The following EPS8 variants were observed in gnomAD, a reference collection of about 807,000 sequenced individuals.
EPS8 encodes epidermal growth factor receptor kinase substrate 8.
A neutral mutation model predicts 103.8 loss-of-function variants in EPS8; 42 were observed. The ratio of observed to expected loss-of-function variants is 0.40; its 90% CI spans 0.32 to 0.52. The LOEUF (loss-of-function observed/expected upper bound fraction) is 0.52, where lower values mean the gene tolerates loss of function less well. Ranked by LOEUF, EPS8 falls within the 20% of genes least tolerant of loss-of-function variation. The pLI is 0.40. For synonymous variants in EPS8, 344 were observed against 344.6 expected (o/e 1.00, Z 0.02); for missense variants, 969 against 1,005.1 (o/e 0.96, Z 0.49).
At position 15,753,194 on chromosome 12, in the gene EPS8, G is replaced by A. The variant is rs1565530708; in HGVS notation, c.-22+35967C>T. On this transcript the variant is annotated intron_variant, in intron 1 of 20. Coordinates refer to ENST00000281172, the MANE Select transcript of EPS8 (RefSeq NM_004447.6). ...TGTTTAGAAACATTTATGTGTCTCC[G>A]AAACATTATCAAGAAAATTCCGAGA... Among the ~76,000 whole-genome samples, 3 of 152,020 alleles carry A rather than the reference G, an allele frequency of 2.0e-5. No homozygotes were observed. The South Asian group carries it at 6.2e-4, about 32-fold the overall frequency.
At chr12:15,719,908 AG>A (rs1946576180) in intron 1 of EPS8, among the ~76,000 whole-genome samples, 1 of 152,160 alleles carries the variant, frequency 6.6e-6, no homozygotes, top group African/African-American at 2.4e-5. Flanking sequence ...CTACGTCAAG[AG>A]GTGGTATGTT....
rs949373501 is a variant in EPS8, at chr12:15,731,946, C to T, written c.-21-48974G>A. ...ATCTGATTTCAGGATGGAATTTTTT[C>T]ATTTTATCCATAAAAAGGAAACAAA... On this transcript the variant is annotated intron_variant, in intron 1 of 20. Transcript: ENST00000281172. This position sits in a 1 kb window ranked among gnomAD's most constrained non-coding sequence, Gnocchi z 5.1. Among the ~76,000 whole-genome samples, 2 of 152,040 alleles carry T rather than the reference C, an allele frequency of 1.3e-5. No individual in the cohort carries two copies. Among genetic ancestry groups the T allele is most frequent in the Non-Finnish European group, 2.9e-5 (2 of 67,992 alleles).
chr12:15,727,694 C>T lies in EPS8; in HGVS notation c.-21-44722G>A, dbSNP rs1440226127. 6.6e-6 allele frequency among the ~76,000 whole-genome samples: 1 copy of T among 152,074 alleles called. No individual in the cohort carries two copies. Among genetic ancestry groups the T allele is most frequent in the African/African-American group, 2.4e-5 (1 of 41,418 alleles). ...CCAACACGGTGAAACCCCGTCTCTA[C>T]TAAAAATACAAAAATTAGCCGGGCG... On this transcript the variant is annotated intron_variant, in intron 1 of 20. Transcript: ENST00000281172. The surrounding 1 kb of genome is among the most constrained non-coding windows in gnomAD (Gnocchi z 4.3).
Position 15,732,680 on chromosome 12 carries a change from T to C in EPS8, c.-21-49708A>G, listed in dbSNP as rs1329305650. On this transcript the variant is annotated intron_variant, in intron 1 of 20. Coordinates refer to ENST00000281172, the MANE Select transcript of EPS8 (RefSeq NM_004447.6). ...GAAGTCAAATAAATGACCTACTGTT[T>C]ACTAAGAAACAACATTTCTTAAAGA... is the stretch of plus-strand genomic sequence containing the variant. 3.2e-5 allele frequency: 21 copies of C among 649,552 alleles called. No homozygotes were observed. In the Admixed American group the frequency reaches 1.3e-3, roughly 39 times the overall value. 40.2% of individuals were successfully genotyped at this position (649,552 alleles called of 1,614,324 possible). A position where few individuals can be genotyped will look rare whatever the true frequency, so the allele number is the denominator to read the frequency against.
At position 15,662,112 on chromosome 12, in the gene EPS8, C is replaced by T. The variant is rs1362285597; in HGVS notation, c.737-13G>A. 1.6e-5 allele frequency: 25 copies of T among 1,608,446 alleles called. No individual in the cohort carries two copies. The Admixed American group carries it at 2.3e-4, about 15-fold the overall frequency. ...CTTGGTTTCTCAACTATAGAAAGGA[C>T]AATCATAAGTCTTTCAATCTTTTAC... On this transcript the variant is annotated splice_polypyrimidine_tract_variant and intron_variant, in intron 8 of 20. Coordinates refer to ENST00000281172, the MANE Select transcript of EPS8 (RefSeq NM_004447.6).
intron 1 of EPS8, among the ~76,000 whole-genome samples, chr12:15,686,033 G>C (rs1946090442): frequency 6.6e-6 from 1 of 151,920 alleles, no homozygotes; most frequent in African/African-American, 2.4e-5. Flanking sequence ...ACCACCTACA[G>C]TTGGCTCCTG....
rs1445698006 is a variant in EPS8 at position 15,731,764 on chromosome 12, G to A, written c.-21-48792C>T. Among the ~76,000 whole-genome samples the A allele has an allele frequency of 2.0e-5, 3 of 152,048 alleles. No individual in the cohort carries two copies. Among genetic ancestry groups the A allele is most frequent in the Non-Finnish European group, 4.4e-5 (3 of 68,010 alleles). Reference sequence around the variant, plus strand: ...AATAATTTCAATCATCCCCCAAACTGGCAGCAAAAAGCTGTTCAGTGTGCT... The same window carrying A: ...AATAATTTCAATCATCCCCCAAACTAGCAGCAAAAAGCTGTTCAGTGTGCT... On this transcript the variant is annotated intron_variant, in intron 1 of 20. Transcript: ENST00000281172. This position sits in a 1 kb window ranked among gnomAD's most constrained non-coding sequence, Gnocchi z 5.1.
At chr12:15,630,034 A>C (rs2135726472) in intron 18 of EPS8, among the ~76,000 whole-genome samples, 1 of 152,294 alleles carries the variant, frequency 6.6e-6, no homozygotes, top group Middle Eastern at 3.4e-3. Context: ...CTAATTTGGG[A>C]ATCATTCTTT....
chr12:15,768,211 G>A lies in EPS8; in HGVS notation c.-22+20950C>T, dbSNP rs200215207. On this transcript the variant is annotated intron_variant, in intron 1 of 20. Transcript: ENST00000281172. Reference sequence around the variant, plus strand: ...TCCCAGCACTTTGGGAGGCCAAGGCGGGTGGATCACGAGGTCAGGAGTTCA... The same window carrying A: ...TCCCAGCACTTTGGGAGGCCAAGGCAGGTGGATCACGAGGTCAGGAGTTCA... 3.4e-4 allele frequency among the ~76,000 whole-genome samples: 52 copies of A among 152,038 alleles called. 1 individual carries two copies. The highest frequency in any genetic ancestry group is 5.6e-4 in the Non-Finnish European group (38 of 67,974).
rs1375521678 is a variant in EPS8 at position 15,706,264 on chromosome 12, G to A, written c.-21-23292C>T. Among the ~76,000 whole-genome samples the A allele has an allele frequency of 6.6e-6, 1 of 152,200 alleles. No individual in the cohort carries two copies. Among genetic ancestry groups the A allele is most frequent in the Non-Finnish European group, 1.5e-5 (1 of 68,030 alleles). On this transcript the variant is annotated intron_variant, in intron 1 of 20. Transcript: ENST00000281172. The surrounding 1 kb of genome is among the most constrained non-coding windows in gnomAD (Gnocchi z 5.2). ...GAGCAAGTTTGCACCTTTGCAGAGG[G>A]GAGGAGCCTGGCCTTGCCTTTTCCT...
chr12:15,660,596 T>C lies in EPS8; in HGVS notation c.937+18A>G. On this transcript the variant is annotated intron_variant, in intron 10 of 20. Transcript: ENST00000281172. ...GAGATCTAACCAGGCATTAGAAGAT[T>C]AAGAAAATCCAACTTACCTCCTGGT... 8.4e-7 allele frequency: 1 copy of C among 1,194,540 alleles called. No homozygotes were observed. 74.0% of individuals were successfully genotyped at this position (1,194,540 alleles called of 1,614,324 possible). A position where few individuals can be genotyped will look rare whatever the true frequency, so the allele number is the denominator to read the frequency against.
chr12:15,757,269 T>C lies in EPS8; in HGVS notation c.-22+31892A>G, dbSNP rs529404566. Among the ~76,000 whole-genome samples the C allele has an allele frequency of 9.9e-5, 15 of 152,284 alleles. No individual in the cohort carries two copies. Among genetic ancestry groups the C allele is most frequent in the African/African-American group, 3.6e-4 (15 of 41,558 alleles). On this transcript the variant is annotated intron_variant, in intron 1 of 20. Transcript: ENST00000281172. This position sits in a 1 kb window ranked among gnomAD's most constrained non-coding sequence, Gnocchi z 4.1. ...TGACAAGAAACTTGGTGGAAGCTGA[T>C]TCTATCCAAAATTAAACTTTCCTTC...
chr12:15,716,225 G>T lies in EPS8; in HGVS notation c.-21-33253C>A, dbSNP rs961300264. Among the ~76,000 whole-genome samples the T allele has an allele frequency of 5.3e-5, 8 of 152,000 alleles. No homozygotes were observed. The highest frequency in any genetic ancestry group is 1.0e-4 in the Non-Finnish European group (7 of 68,018). ...CTGCCAAATGCCAAAAAATGTTGCT[G>T]CTTGGAAACAGACAGTTTCCTAATA... On this transcript the variant is annotated intron_variant, in intron 1 of 20. Transcript: ENST00000281172. This position sits in a 1 kb window ranked among gnomAD's most constrained non-coding sequence, Gnocchi z 5.0.
intron 1 of EPS8, among the ~76,000 whole-genome samples, chr12:15,712,494 T>C (rs1335616558): frequency 2.6e-5 from 4 of 152,274 alleles, no homozygotes; most frequent in Non-Finnish European, 5.9e-5. Context: ...AAACATTTCG[T>C]ATATTATGCC....
At position 15,621,193 on chromosome 12, in the gene EPS8, G is replaced by GTTTTT; in HGVS notation, c.*119_*123dup. The GTTTTT allele has an allele frequency of 2.3e-6, 1 of 433,536 alleles. No individual in the cohort carries two copies. 26.9% of individuals were successfully genotyped at this position (433,536 alleles called of 1,614,324 possible). ...CCTGTGCTCACTCAGGTTTGCATGG[G>GTTTTT]TTTTTTTTTATGGTGATAAATTACA... On this transcript the variant is annotated 3_prime_UTR_variant, in exon 21 of 21. Transcript: ENST00000281172.
chr12:15,673,517 CA>C (rs1945851916), intron 3 of EPS8, among the ~76,000 whole-genome samples: 2 of 152,072 alleles, frequency 1.3e-5, no homozygotes, highest in African/African-American at 4.8e-5. Flanking sequence ...AGCCTTAAAA[CA>C]GTATAAAAAG....
At position 15,714,315 on chromosome 12, in the gene EPS8, A is replaced by G. The variant is rs1248372915; in HGVS notation, c.-21-31343T>C. On this transcript the variant is annotated intron_variant, in intron 1 of 20. Coordinates refer to ENST00000281172, the MANE Select transcript of EPS8 (RefSeq NM_004447.6). The surrounding 1 kb of genome is among the most constrained non-coding windows in gnomAD (Gnocchi z 4.1). Reference sequence around the variant, plus strand: ...AAGAACATAAAACTAAAAAATCTGTATGTTTTATAAAACCAAATTATATTT... The same window carrying G: ...AAGAACATAAAACTAAAAAATCTGTGTGTTTTATAAAACCAAATTATATTT... Among the ~76,000 whole-genome samples, 1 of 152,216 alleles carries G rather than the reference A, an allele frequency of 6.6e-6. No individual in the cohort carries two copies. Among genetic ancestry groups the G allele is most frequent in the Non-Finnish European group, 1.5e-5 (1 of 68,042 alleles).
intron 17 of EPS8, among the ~76,000 whole-genome samples, chr12:15,637,696 A>C (rs1049930027): frequency 6.6e-6 from 1 of 152,182 alleles, no homozygotes; most frequent in Non-Finnish European, 1.5e-5. Context: ...ATTTTTGTTA[A>C]AGTTTCTTTA....
rs767044591 is a variant in EPS8 at position 15,665,786 on chromosome 12, A to T, written c.706T>A (p.Trp236Arg). The T allele has an allele frequency of 3.1e-6, 5 of 1,613,608 alleles. No homozygotes were observed. The highest frequency in any genetic ancestry group is 1.3e-5 in the African/African-American group (1 of 75,042). The change falls in exon 8 of 21, where the codon TGG (tryptophan) becomes AGG (arginine). Residue 236 changes from tryptophan (W) to arginine (R), a missense_variant. Transcript: ENST00000281172. ...CCTTGGTCGGCTGCCCATGCAGACC[A>T]GGCTGCCACTCGACTTCTAACATCC... ...QVDVRSRVAA[W>R]SAWAADQGDF...
Sources: gnomAD v4.1 joint callset for allele counts (sites outside exome capture counted in the v4.1 genomes callset) on GRCh38, gnomAD v4.1.1 for gene constraint, Gnocchi (gnomAD v3.1) non-coding constraint, MANE v1.5 for transcripts, NCBI Gene and HGNC (gene_info 2026-07-23, HGNC 2026-07-21) for gene names.